INVS: variants seen among roughly 807,000 people sequenced by gnomAD.
The protein encoded by INVS is inversin, also known as inversion of embryo turning homolog.
A neutral mutation model predicts 108.8 loss-of-function variants in INVS; 86 were observed. The ratio of observed to expected loss-of-function variants is 0.79; its 90% CI spans 0.66 to 0.95. The LOEUF (loss-of-function observed/expected upper bound fraction) is 0.95. INVS is among the 40% of genes least tolerant of loss of function. INVS has a pLI of 0.00. For missense variants in INVS, 1,169 were observed against 1,297.4 expected, an observed-to-expected ratio of 0.90 and a Z score of 1.52; for synonymous variants, 455 against 473.5, an observed-to-expected ratio of 0.96 and a Z score of 0.51.
intron 4 of INVS, among the ~76,000 whole-genome samples, chr9:100,228,258 C>T (rs976886785): frequency 2.6e-5 from 4 of 151,988 alleles, no homozygotes; most frequent in Admixed American, 6.6e-5. Flanking sequence ...CCCAAAGTGC[C>T]GGGATTACAG....
At chr9:100,189,106 CTTTTTTT>C (rs60762136) in intron 3 of INVS, among the ~76,000 whole-genome samples, 18 of 69,538 alleles carry the variant, frequency 2.6e-4, no homozygotes, top group African/African-American at 6.1e-4. Context: ...TTTGCATCTT[CTTTTTTT>C]TTTTTTTTTT....
At chr9:100,257,879 ATG>A (rs1832475022) in intron 10 of INVS, among the ~76,000 whole-genome samples, 1 of 152,006 alleles carries the variant, frequency 6.6e-6, no homozygotes. Flanking sequence ...TCTGACAATT[ATG>A]TGTCTTGGAG....
intron 3 of INVS, among the ~76,000 whole-genome samples, chr9:100,217,447 C>T (rs10989020): frequency 0.19 from 29,567 of 152,104 alleles, 4,589 homozygotes; most frequent in African/African-American, 0.44. Flanking sequence ...GCAGAAGACA[C>T]AAGACTCCCA....
At chr9:100,284,817 CTTGA>C (rs1833387383) in intron 13 of INVS, among the ~76,000 whole-genome samples, 1 of 151,688 alleles carries the variant, frequency 6.6e-6, no homozygotes, top group Non-Finnish European at 1.5e-5. Flanking sequence ...AAAATTCTAT[CTTGA>C]TTGATTTATG....
intron 3 of INVS, among the ~76,000 whole-genome samples, chr9:100,157,285 G>GGCAGA (rs1829024755): frequency 2.1e-5 from 2 of 94,956 alleles, no homozygotes; most frequent in Non-Finnish European, 3.8e-5. Context: ...TTTTTTTTGA[G>GGCAGA]GCAGAGTCTC....
intron 2 of INVS, among the ~76,000 whole-genome samples, chr9:100,122,665 G>A (rs1180797524): frequency 3.9e-5 from 5 of 127,180 alleles, no homozygotes; most frequent in African/African-American, 1.5e-4. Flanking sequence ...CTTACTGCAA[G>A]CTCCGTCTCC....
chr9:100,278,008 CGCTTGAGCCCAGGA>C (rs908545425), intron 12 of INVS, among the ~76,000 whole-genome samples: 3 of 151,984 alleles, frequency 2.0e-5, no homozygotes, highest in African/African-American at 7.3e-5. Context: ...GCAAGAGGAT[CGCTTGAGCCCAGGA>C]GTTTGAGACC....
At chr9:100,152,226 C>T (rs568109768) in intron 3 of INVS, among the ~76,000 whole-genome samples, 2 of 151,872 alleles carry the variant, frequency 1.3e-5, no homozygotes, top group East Asian at 1.9e-4. Context: ...TCTTAGTCAT[C>T]TTATTTCCAA....
intron 3 of INVS, among the ~76,000 whole-genome samples, chr9:100,210,658 C>G (rs924744141): frequency 6.6e-6 from 1 of 152,248 alleles, no homozygotes; most frequent in Non-Finnish European, 1.5e-5. Flanking sequence ...TGCATTTACC[C>G]TTCCTTGCTT....
chr9:100,241,162 G>A lies in INVS; in HGVS notation c.796+922G>A, dbSNP rs188090231. On this transcript the variant is annotated intron_variant, in intron 6 of 16. Coordinates refer to ENST00000262457, the MANE Select transcript of INVS (RefSeq NM_014425.5). ...ACACATTATCTTTTTTTTAAATGAT[G>A]TTTATATGTGCACTCACTTTTATCG... 9.9e-5 allele frequency among the ~76,000 whole-genome samples: 15 copies of A among 151,928 alleles called. No homozygotes were observed. The East Asian group carries it at 2.9e-3, about 29-fold the overall frequency.
At chr9:100,125,643 T>G (rs1827859262) in intron 2 of INVS, among the ~76,000 whole-genome samples, 1 of 151,910 alleles carries the variant, frequency 6.6e-6, no homozygotes, top group Non-Finnish European at 1.5e-5. Flanking sequence ...GTACTTGCTC[T>G]ATCTTGTCAT....
At chr9:100,117,283 A>G in intron 2 of INVS, 1 of 736,964 alleles carries the variant, frequency 1.4e-6, no homozygotes, top group Non-Finnish European at 2.4e-6. Flanking sequence ...TCTGGCCAGC[A>G]CGGGTCTGCT....
intron 3 of INVS, chr9:100,175,732 A>G (rs1829690829): frequency 3.2e-6 from 2 of 629,698 alleles, no homozygotes; most frequent in Admixed American, 3.9e-5. Flanking sequence ...ATGCAGAGCA[A>G]CCAGACCTGT....
chr9:100,298,088 A>T, intron 16 of INVS, 78 bp downstream of exon 16: 1 of 1,608,690 alleles, frequency 6.2e-7, no homozygotes, highest in Non-Finnish European at 8.5e-7. Flanking sequence ...CCAAAGACAG[A>T]AGACATTAGA....
intron 5 of INVS, among the ~76,000 whole-genome samples, chr9:100,235,693 C>T (rs898717801): frequency 2.6e-5 from 4 of 152,064 alleles, no homozygotes; most frequent in Admixed American, 2.0e-4. Context: ...GAATATTGGC[C>T]CCCACTCTCT....
chr9:100,153,545 G>A (rs1179403335), intron 3 of INVS, among the ~76,000 whole-genome samples: 1 of 152,192 alleles, frequency 6.6e-6, no homozygotes, highest in Non-Finnish European at 1.5e-5. Flanking sequence ...AACATGTTCT[G>A]ATGGCAAAAC....
At chr9:100,226,941 T>C (rs1831345773) in intron 4 of INVS, among the ~76,000 whole-genome samples, 1 of 152,114 alleles carries the variant, frequency 6.6e-6, no homozygotes, top group African/African-American at 2.4e-5. Flanking sequence ...ATGTCCTAAA[T>C]GCTTAGTGGT....
chr9:100,286,282 AGT>A (rs1259278965), intron 13 of INVS, among the ~76,000 whole-genome samples: 2 of 152,234 alleles, frequency 1.3e-5, no homozygotes, highest in Non-Finnish European at 2.9e-5. Flanking sequence ...GGCCGGGTGC[AGT>A]GACTCACACC....
intron 11 of INVS, among the ~76,000 whole-genome samples, chr9:100,267,261 ACAGAC>A (rs1196500588): frequency 1.3e-5 from 2 of 152,226 alleles, no homozygotes; most frequent in Non-Finnish European, 2.9e-5. Context: ...TATGTTAATT[ACAGAC>A]CAAAAGACCA....
Sources: allele counts gnomAD v4.1 joint callset (sites outside exome capture counted in the v4.1 genomes callset), GRCh38; gene constraint gnomAD v4.1.1; transcripts MANE v1.5; gene names NCBI Gene and HGNC (gene_info 2026-07-23, HGNC 2026-07-21).